PPARG: variants seen among roughly 807,000 people sequenced by gnomAD.
PPARG encodes the protein peroxisome proliferator-activated receptor gamma.
PPARG carries 17 observed loss-of-function variants against 39.2 expected under a neutral mutation model. That is an observed-to-expected ratio of 0.43 (90% CI 0.30 to 0.65). The LOEUF (loss-of-function observed/expected upper bound fraction) is 0.65, where lower values mean the gene tolerates loss of function less well. Ranked by LOEUF, PPARG falls within the 30% of genes least tolerant of loss-of-function variation. PPARG has a pLI of 0.13. For synonymous variants in PPARG, 223 were observed against 215.7 expected (o/e 1.03, Z -0.30); for missense variants, 406 against 585.9 (o/e 0.69, Z 3.17).
intron 1 of PPARG, among the ~76,000 whole-genome samples, chr3:12,305,429 G>T (rs2047036076): frequency 6.6e-6 from 1 of 152,168 alleles, no homozygotes; most frequent in Non-Finnish European, 1.5e-5. Context: ...GTAGAAGGAG[G>T]TCAGTAGACT....
chr3:12,313,927 T>C (rs2047318761), intron 2 of PPARG, among the ~76,000 whole-genome samples: 1 of 152,100 alleles, frequency 6.6e-6, no homozygotes, highest in African/African-American at 2.4e-5. Flanking sequence ...AAATAGAAAA[T>C]TGTTGTCACA....
chr3:12,429,428 AAGG>A (rs2051573614), intron 7 of PPARG, among the ~76,000 whole-genome samples: 1 of 151,900 alleles, frequency 6.6e-6, no homozygotes, highest in Non-Finnish European at 1.5e-5. Flanking sequence ...GCTCAAGAGG[AAGG>A]AGGAGGCTGG....
intron 2 of PPARG, among the ~76,000 whole-genome samples, chr3:12,359,803 T>C (rs938695556): frequency 6.6e-6 from 1 of 151,104 alleles, no homozygotes; most frequent in African/African-American, 2.4e-5. Context: ...GCCTCCCGAG[T>C]AACTGGGATT....
intron 2 of PPARG, among the ~76,000 whole-genome samples, chr3:12,360,617 C>G (rs1000585999): frequency 6.6e-6 from 1 of 150,710 alleles, no homozygotes; most frequent in Admixed American, 6.6e-5. Context: ...TCCAGAAGCC[C>G]TCTGACTATT....
intron 5 of PPARG, among the ~76,000 whole-genome samples, chr3:12,405,065 G>A (rs888131794): frequency 5.9e-5 from 9 of 152,120 alleles, no homozygotes; most frequent in African/African-American, 1.9e-4. Flanking sequence ...TGTTCCCAAA[G>A]GAACATGATT....
chr3:12,320,954 T>G (rs1470261027), intron 2 of PPARG, among the ~76,000 whole-genome samples: 1 of 152,254 alleles, frequency 6.6e-6, no homozygotes, highest in Non-Finnish European at 1.5e-5. Flanking sequence ...AAAGAATCTC[T>G]GCAATGATTC....
At chr3:12,401,136 T>C (rs1011410050) in intron 5 of PPARG, among the ~76,000 whole-genome samples, 2 of 152,208 alleles carry the variant, frequency 1.3e-5, no homozygotes, top group African/African-American at 4.8e-5. Flanking sequence ...ATCTTCTATT[T>C]CTAAGGTCTG....
Position 12,362,879 on chromosome 3 carries a change from TA to T in PPARG, c.-8-16815del, listed in dbSNP as rs375940685. On this transcript the variant is annotated intron_variant, in intron 2 of 7. Transcript: ENST00000651735. The stretch of plus-strand genomic sequence containing the variant: ...TTTCCTTCCTAAGAGGTTTTTTATT[TA>T]AAAAAAAAATTATGAGTGAATGTTG... Among the ~76,000 whole-genome samples the T allele has an allele frequency of 3.6e-3, 536 of 150,622 alleles. 5 individuals are homozygous for T. Among genetic ancestry groups the T allele is most frequent in the African/African-American group, 0.012 (500 of 41,132 alleles).
intron 5 of PPARG, among the ~76,000 whole-genome samples, chr3:12,401,223 G>A (rs2050457800): frequency 1.3e-5 from 2 of 152,152 alleles, no homozygotes; most frequent in African/African-American, 4.8e-5. Flanking sequence ...CACATGAAGG[G>A]TAGAACCTAA....
chr3:12,392,772 C>T lies in PPARG; in HGVS notation c.529+20C>T, dbSNP rs184062332. On this transcript the variant is annotated intron_variant, in intron 5 of 7. Transcript: ENST00000651735. ...ATAATGGTAAGTAAACAGTCATCACCATATACTTTATTATTCTCATTATAG... is the reference window on the plus strand; with the variant it reads ...ATAATGGTAAGTAAACAGTCATCACTATATACTTTATTATTCTCATTATAG... 29 of 1,613,174 alleles carry T rather than the reference C, an allele frequency of 1.8e-5. No homozygotes were observed. In the African/African-American group the frequency reaches 3.9e-4, roughly 22 times the overall value.
At position 12,405,941 on chromosome 3, in the gene PPARG, A is replaced by G. The variant is rs755059777; in HGVS notation, c.589A>G (p.Ser197Gly). The change falls in exon 6 of 8, where the codon AGT (serine) becomes GGT (glycine). Residue 197 changes from serine to glycine, a missense_variant. Transcript: ENST00000651735. ...EKEKLLAEIS[S>G]DIDQLNPESA... Reference sequence around the variant, plus strand: ...GGAGAAGCTGTTGGCGGAGATCTCCAGTGATATCGACCAGCTGAATCCAGA... The same window carrying G: ...GGAGAAGCTGTTGGCGGAGATCTCCGGTGATATCGACCAGCTGAATCCAGA... The G allele has an allele frequency of 2.5e-6, 4 of 1,614,184 alleles. No homozygotes were observed. Among genetic ancestry groups the G allele is most frequent in the Non-Finnish European group, 3.4e-6 (4 of 1,180,022 alleles).
chr3:12,359,076 A>G (rs1432785911), intron 2 of PPARG, among the ~76,000 whole-genome samples: 2 of 152,096 alleles, frequency 1.3e-5, no homozygotes, highest in African/African-American at 2.4e-5. Flanking sequence ...CCACATTTCT[A>G]AAGTACTTAC....
intron 7 of PPARG, among the ~76,000 whole-genome samples, chr3:12,419,348 A>G (rs926846607): frequency 5.3e-5 from 8 of 152,198 alleles, no homozygotes; most frequent in Non-Finnish European, 1.0e-4. Context: ...ATCTTTGATT[A>G]ATTCAGCAAA....
At chr3:12,328,852 A>C (rs542502036) in intron 2 of PPARG, among the ~76,000 whole-genome samples, 21 of 152,378 alleles carry the variant, frequency 1.4e-4, no homozygotes, top group Admixed American at 7.8e-4. Context: ...ACAGAATAGC[A>C]GTCCCTGGAT....
chr3:12,337,003 A>C lies in PPARG; in HGVS notation c.-9+24550A>C, dbSNP rs17036317. Among the ~76,000 whole-genome samples, 600 of 152,328 alleles carry C rather than the reference A, an allele frequency of 3.9e-3. 4 individuals are homozygous for C. The highest frequency in any genetic ancestry group is 0.024 in the Middle Eastern group (7 of 294). On this transcript the variant is annotated intron_variant, in intron 2 of 7. Coordinates refer to ENST00000651735, the MANE Select transcript of PPARG (RefSeq NM_138711.6). ...ACCTAATGCTGCGCTAAGAATTATAAATGAACTAGAAGGCATACTCTTTTC... is the reference window on the plus strand; with the variant it reads ...ACCTAATGCTGCGCTAAGAATTATACATGAACTAGAAGGCATACTCTTTTC...
chr3:12,327,500 A>G (rs1002628366), intron 2 of PPARG, among the ~76,000 whole-genome samples: 10 of 152,232 alleles, frequency 6.6e-5, no homozygotes, highest in African/African-American at 9.7e-5. Context: ...GAGAAAAACT[A>G]GAGACATAGT....
At chr3:12,314,215 T>A (rs961306887) in intron 2 of PPARG, among the ~76,000 whole-genome samples, 1 of 152,120 alleles carries the variant, frequency 6.6e-6, no homozygotes, top group Non-Finnish European at 1.5e-5. Context: ...AGGTGGAGGT[T>A]GCAGTGAGCT....
chr3:12,291,658 G>A (rs1353409404), intron 1 of PPARG, among the ~76,000 whole-genome samples: 1 of 152,108 alleles, frequency 6.6e-6, no homozygotes, highest in Non-Finnish European at 1.5e-5. Flanking sequence ...TTTTGTAGAT[G>A]TTTAGATAAT....
chr3:12,293,459 G>A (rs764304067), intron 1 of PPARG, among the ~76,000 whole-genome samples: 16 of 152,250 alleles, frequency 1.1e-4, no homozygotes, highest in Admixed American at 5.9e-4. Context: ...TAGCAAAAAC[G>A]TGGGGTGAGA....
Sources: allele counts gnomAD v4.1 joint callset (sites outside exome capture counted in the v4.1 genomes callset), GRCh38; gene constraint gnomAD v4.1.1; transcripts MANE v1.5; gene names NCBI Gene and HGNC (gene_info 2026-07-23, HGNC 2026-07-21).